The following SHC4 variants were observed in gnomAD, a reference collection of about 807,000 sequenced individuals.
SHC4 encodes SHC adaptor protein 4.
SHC4 carries 41 observed loss-of-function variants against 69.4 expected under a neutral mutation model. That is an observed-to-expected ratio of 0.59 (90% confidence interval 0.46 to 0.77). The LOEUF is 0.77. Among genes scored for constraint, SHC4 ranks in the 30% least tolerant of loss-of-function variants. The pLI is 0.00. For synonymous variants in SHC4, 318 were observed against 299.3 expected (o/e 1.06, Z -0.64); for missense variants, 777 against 783.8 (o/e 0.99, Z 0.10).
At chr15:48,847,173 C>T (rs1456190283) in intron 9 of SHC4, among the ~76,000 whole-genome samples, 2 of 152,054 alleles carry the variant, frequency 1.3e-5, no homozygotes, top group African/African-American at 2.4e-5. Context: ...CCAGCTAGTA[C>T]GCCTTCCAAA....
In SHC4 at chr15:48,843,596, G is replaced by T; in HGVS notation, c.1304-8C>A. 1 of 1,607,792 alleles carries T rather than the reference G, an allele frequency of 6.2e-7. No individual in the cohort carries two copies. Among genetic ancestry groups the T allele is most frequent in the African/African-American group, 1.3e-5 (1 of 74,872 alleles). On this transcript the variant is annotated splice_region_variant and splice_polypyrimidine_tract_variant and intron_variant, in intron 9 of 11. Coordinates refer to ENST00000332408, the MANE Select transcript of SHC4 (RefSeq NM_203349.4). ...CTCTTGGATGGACATTACCTGTAGT[G>T]ATTAGTAGTGATCAATACATTATGT...
intron 1 of SHC4, among the ~76,000 whole-genome samples, chr15:48,945,703 G>T (rs1901264572): frequency 1.1e-5 from 1 of 91,680 alleles, no homozygotes; most frequent in Admixed American, 1.4e-4. Context: ...GTCTCTGCCA[G>T]GGGTTGGAGG....
intron 9 of SHC4, among the ~76,000 whole-genome samples, chr15:48,850,151 C>T (rs972428827): frequency 6.6e-6 from 1 of 152,018 alleles, no homozygotes; most frequent in East Asian, 1.9e-4. Flanking sequence ...TGCAGTGAGC[C>T]GAGGTTGCGC....
chr15:48,837,875 G>C (rs1266418214), intron 10 of SHC4, among the ~76,000 whole-genome samples: 1 of 152,048 alleles, frequency 6.6e-6, no homozygotes, highest in African/African-American at 2.4e-5. Flanking sequence ...AATCTAACAC[G>C]CAAAATCTGG....
chr15:48,891,320 T>C (rs1281220194), intron 2 of SHC4, among the ~76,000 whole-genome samples: 1 of 152,200 alleles, frequency 6.6e-6, no homozygotes, highest in Non-Finnish European at 1.5e-5. Context: ...TTTTATTGAC[T>C]AGGTTGCTGC....
At chr15:48,834,511 T>C (rs1898863662) in intron 11 of SHC4, among the ~76,000 whole-genome samples, 1 of 152,188 alleles carries the variant, frequency 6.6e-6, no homozygotes. Flanking sequence ...TATTTCTATA[T>C]AGCAGGTATT....
chr15:48,845,932 AGGAGTGCCTG>A (rs1899082729), intron 9 of SHC4, among the ~76,000 whole-genome samples: 1 of 152,220 alleles, frequency 6.6e-6, no homozygotes, highest in East Asian at 1.9e-4. Flanking sequence ...CCATTTATGT[AGGAGTGCCTG>A]CTCATAAAAA....
chr15:48,918,171 T>A (rs1479979652), intron 2 of SHC4, among the ~76,000 whole-genome samples: 1 of 152,094 alleles, frequency 6.6e-6, no homozygotes, highest in Non-Finnish European at 1.5e-5. Context: ...CCCATGGAAA[T>A]TTTTTTTGAA....
intron 3 of SHC4, among the ~76,000 whole-genome samples, 172 bp from the exon 4 acceptor site, chr15:48,884,539 A>G (rs182189123): frequency 0.042 from 6,387 of 152,224 alleles, 174 homozygotes; most frequent in South Asian, 0.071. Flanking sequence ...CTTTTTTTTA[A>G]ATTAGGATGC....
In SHC4 at chr15:48,959,890, C is replaced by T. The variant is rs556495851; in HGVS notation, c.585+2541G>A. Among the ~76,000 whole-genome samples the T allele has an allele frequency of 4.6e-5, 7 of 152,298 alleles. No homozygotes were observed. The South Asian group carries it at 1.5e-3, about 32-fold the overall frequency. ...CACACAGGAGATTTGGGCTCTAGATCTCACTCTGCTTTAACTCATCTGTGT... is the reference window on the plus strand; with the variant it reads ...CACACAGGAGATTTGGGCTCTAGATTTCACTCTGCTTTAACTCATCTGTGT... On this transcript the variant is annotated intron_variant, in intron 1 of 11. Transcript: ENST00000332408.
chr15:48,939,389 G>A (rs1218771212), intron 1 of SHC4, among the ~76,000 whole-genome samples: 2 of 152,222 alleles, frequency 1.3e-5, no homozygotes, highest in Admixed American at 6.5e-5. Context: ...GGCACAGCAT[G>A]TGCAAGAGGT....
intron 2 of SHC4, among the ~76,000 whole-genome samples, chr15:48,908,070 AGTGGGATTGCTG>A (rs1338715661): frequency 6.6e-6 from 1 of 152,164 alleles, no homozygotes; most frequent in Non-Finnish European, 1.5e-5. Flanking sequence ...GATACCCAGT[AGTGGGATTGCTG>A]GATCAAATGG....
At chr15:48,857,942 T>C (rs1899361465) in intron 6 of SHC4, 127 bp from the exon 7 acceptor site, 1 of 630,382 alleles carries the variant, frequency 1.6e-6, no homozygotes, top group East Asian at 3.5e-5. Context: ...ACAAGCTCTC[T>C]GCAGCCATGA....
chr15:48,944,482 T>G (rs1901238031), intron 1 of SHC4, among the ~76,000 whole-genome samples: 1 of 152,136 alleles, frequency 6.6e-6, no homozygotes. Flanking sequence ...ATGGGTATGA[T>G]GCTGGGTGCT....
chr15:48,851,117 AG>A (rs1230355793), intron 9 of SHC4, 70 bp downstream of exon 9: 2 of 1,463,710 alleles, frequency 1.4e-6, no homozygotes, highest in East Asian at 4.6e-5. Flanking sequence ...TTTAAGAGCA[AG>A]GGCCACATAT....
intron 4 of SHC4, among the ~76,000 whole-genome samples, chr15:48,881,514 G>C (rs1014497450): frequency 3.3e-5 from 5 of 152,006 alleles, no homozygotes; most frequent in Non-Finnish European, 5.9e-5. Context: ...GTTTTTTCTT[G>C]TGCTTGCACA....
intron 9 of SHC4, among the ~76,000 whole-genome samples, chr15:48,845,893 G>A (rs1307629009): frequency 6.6e-6 from 1 of 152,000 alleles, no homozygotes; most frequent in Non-Finnish European, 1.5e-5. Flanking sequence ...ATTAGCACAT[G>A]TGTATACAAC....
At chr15:48,832,343 C>A (rs1394178742) in intron 11 of SHC4, among the ~76,000 whole-genome samples, 1 of 152,054 alleles carries the variant, frequency 6.6e-6, no homozygotes, top group African/African-American at 2.4e-5. Context: ...AGTCTTTTTT[C>A]TTTTAGCATT....
chr15:48,868,804 AAAT>A (rs1393087987), intron 5 of SHC4, among the ~76,000 whole-genome samples: 2 of 152,238 alleles, frequency 1.3e-5, no homozygotes, highest in Non-Finnish European at 2.9e-5. Flanking sequence ...CAATTAAAGA[AAAT>A]AATAACACAT....
Sources: allele counts gnomAD v4.1 joint callset (sites outside exome capture counted in the v4.1 genomes callset), GRCh38; gene constraint gnomAD v4.1.1; transcripts MANE v1.5; gene names NCBI Gene and HGNC (gene_info 2026-07-23, HGNC 2026-07-21).